NR4A1: variants seen among roughly 807,000 people sequenced by gnomAD.
NR4A1 encodes the protein nuclear receptor subfamily 4immunitygroup A member 1.
In NR4A1, 24 loss-of-function variants were observed where a neutral mutation model predicts 47.5. The observed-to-expected ratio is 0.50, with a 90% CI of 0.37 to 0.71. The LOEUF (loss-of-function observed/expected upper bound fraction) is 0.71. Among genes scored for constraint, NR4A1 ranks in the 30% least tolerant of loss-of-function variants. The pLI is 0.00. For missense variants in NR4A1, 669 were observed against 788.6 expected (o/e 0.85, Z 1.82); for synonymous variants, 353 against 345.7 (o/e 1.02, Z -0.24).
At chr12:52,033,766 G>C (rs1409511203) in intron 1 of NR4A1, among the ~76,000 whole-genome samples, 1 of 152,202 alleles carries the variant, frequency 6.6e-6, no homozygotes, top group Non-Finnish European at 1.5e-5. Flanking sequence ...CTTAAGCCTG[G>C]GGAGAGGTCG....
chr12:52,037,781 G>C (rs1013037191), intron 1 of NR4A1: 1 of 985,384 alleles, frequency 1.0e-6, no homozygotes, highest in Non-Finnish European at 1.2e-6. Flanking sequence ...GACCCAGCCG[G>C]GAGGGACCGA....
At chr12:52,044,281 G>T (rs938755405) in intron 2 of NR4A1, among the ~76,000 whole-genome samples, 67 of 152,356 alleles carry the variant, frequency 4.4e-4, no homozygotes, top group Non-Finnish European at 3.4e-4. Context: ...GGGCCCCTGA[G>T]CCCCCACTAG....
intron 1 of NR4A1, chr12:52,038,793 G>A (rs1344364944): frequency 1.3e-6 from 1 of 760,192 alleles, no homozygotes; most frequent in South Asian, 1.4e-5. Flanking sequence ...GTGTGAATGT[G>A]ACTGACGATT....
rs565902068 is a variant in NR4A1 at position 52,035,795 on chromosome 12, A to G, written c.-83-6015A>G. 3.9e-5 allele frequency among the ~76,000 whole-genome samples: 6 copies of G among 152,080 alleles called. No individual in the cohort carries two copies. The South Asian group carries it at 1.2e-3, about 32-fold the overall frequency. On this transcript the variant is annotated intron_variant, in intron 1 of 7. Transcript: ENST00000360284. Reference sequence around the variant, plus strand: ...GCCAAGAGTTTAGGATTTGTCCAGCAAAGGATTTCTGGGGGTGGGCAGTGG... The same window carrying G: ...GCCAAGAGTTTAGGATTTGTCCAGCGAAGGATTTCTGGGGGTGGGCAGTGG...
At position 52,052,311 on chromosome 12, in the gene NR4A1, G is replaced by A. The variant is rs1011208804; in HGVS notation, c.-3+743G>A. 7.3e-5 allele frequency among the ~76,000 whole-genome samples: 11 copies of A among 149,848 alleles called. No homozygotes were observed. The East Asian group carries it at 7.8e-4, about 11-fold the overall frequency. The stretch of plus-strand genomic sequence containing the variant: ...TGTGTGTGTGTGTGTGTGTGAGAGA[G>A]AGAGAGAGAGAGAGAGAAAGAGAGA... On this transcript the variant is annotated intron_variant, in intron 1 of 6. Coordinates refer to ENST00000394825, the MANE Select transcript of NR4A1 (RefSeq NM_173157.3).
chr12:52,029,215 A>G lies in NR4A1; in HGVS notation c.-84+6276A>G, dbSNP rs377417938. Among the ~76,000 whole-genome samples the G allele has an allele frequency of 1.6e-4, 24 of 152,198 alleles. No individual in the cohort carries two copies. In the East Asian group the frequency reaches 4.1e-3, roughly 26 times the overall value. ...GGACGCATACATGCACACACACTCC[A>G]CCTCTCTCCTTGGTGCTCAGATGTG... On this transcript the variant is annotated intron_variant, in intron 1 of 7. Transcript: ENST00000360284.
At chr12:52,043,538 TG>T in intron 2 of NR4A1, 2 of 419,994 alleles carry the variant, frequency 4.8e-6, no homozygotes, top group Non-Finnish European at 7.8e-6. Flanking sequence ...CTGCCAGGCC[TG>T]GGCACGGGCC....
At chr12:52,045,041 CCTT>C (rs746353689) in intron 2 of NR4A1, among the ~76,000 whole-genome samples, 44 of 152,342 alleles carry the variant, frequency 2.9e-4, no homozygotes, top group Non-Finnish European at 5.7e-4. Context: ...AGCCTGACCT[CCTT>C]AATTAACTAG....
Position 52,054,287 on chromosome 12 carries a change from T to G in NR4A1, c.-2-40T>G, listed in dbSNP as rs1939126102. On this transcript the variant is annotated intron_variant, in intron 1 of 6. Coordinates refer to ENST00000394825, the MANE Select transcript of NR4A1 (RefSeq NM_173157.3). ...AGACAAGGCTATAGGCTTGTCCCAC[T>G]GACTCTCCTTTCCCTCCCTGGGGTC... The G allele has an allele frequency of 2.0e-6, 3 of 1,536,940 alleles. No homozygotes were observed. In the African/African-American group the frequency reaches 4.1e-5, roughly 21 times the overall value.
chr12:52,056,315 C>T (rs1219255804), intron 3 of NR4A1, 156 bp downstream of exon 3: 5 of 1,359,260 alleles, frequency 3.7e-6, no homozygotes, highest in East Asian at 2.4e-5. Flanking sequence ...AGGCAGCCTA[C>T]ACCTGCCTGG....
chr12:52,030,530 G>C (rs1173414080), intron 1 of NR4A1, among the ~76,000 whole-genome samples: 4 of 152,218 alleles, frequency 2.6e-5, no homozygotes, highest in Admixed American at 2.6e-4. Flanking sequence ...TCAGGTTCAA[G>C]TGGTTCTCCT....
chr12:52,052,688 GA>G, intron 1 of NR4A1: 1 of 983,190 alleles, frequency 1.0e-6, no homozygotes, highest in Non-Finnish European at 1.2e-6. Context: ...CATGAAGGGG[GA>G]GGGACTGATG....
At chr12:52,052,268 CGTGTGTGTGTGTGT>C (rs60552358) in intron 1 of NR4A1, among the ~76,000 whole-genome samples, 3 of 129,920 alleles carry the variant, frequency 2.3e-5, no homozygotes, top group Non-Finnish European at 4.8e-5. Context: ...GCTTGGATCA[CGTGTGTGTGTGTGT>C]GTGTGTGTGT....
At chr12:52,048,455 G>A (rs1185934479), upstream of NR4A1, among the ~76,000 whole-genome samples, 5 of 152,014 alleles carry the variant, frequency 3.3e-5, no homozygotes, top group Non-Finnish European at 7.4e-5. Flanking sequence ...ATTAGCTGGC[G>A]TGGTGGCAGG....
At chr12:52,035,770 G>A (rs1938222370) in intron 1 of NR4A1, among the ~76,000 whole-genome samples, 1 of 152,132 alleles carries the variant, frequency 6.6e-6, no homozygotes, top group South Asian at 2.1e-4. Context: ...TCTGAGTTGC[G>A]CCAAGAGTTT....
chr12:52,034,894 T>C (rs752993054), intron 1 of NR4A1, among the ~76,000 whole-genome samples: 2 of 152,210 alleles, frequency 1.3e-5, no homozygotes, highest in Non-Finnish European at 2.9e-5. Flanking sequence ...TGCCATGATG[T>C]GCCAGACTCC....
chr12:52,024,398 GCTTAA>G (rs1309031167), intron 1 of NR4A1, among the ~76,000 whole-genome samples: 5 of 152,182 alleles, frequency 3.3e-5, no homozygotes, highest in East Asian at 1.9e-4. Context: ...CTCTCCAAGT[GCTTAA>G]CTTATGTTTT....
intron 2 of NR4A1, among the ~76,000 whole-genome samples, chr12:52,044,466 A>T (rs1592290538): frequency 6.6e-6 from 1 of 152,084 alleles, no homozygotes; most frequent in Non-Finnish European, 1.5e-5. Flanking sequence ...ACGCTCCGGG[A>T]CCTGGGCCAG....
At chr12:52,033,424 C>G (rs1938173077) in intron 1 of NR4A1, among the ~76,000 whole-genome samples, 1 of 152,240 alleles carries the variant, frequency 6.6e-6, no homozygotes, top group Non-Finnish European at 1.5e-5. Flanking sequence ...TTACCACGAG[C>G]ATGTTTGATT....
Sources: allele counts gnomAD v4.1 joint callset (sites outside exome capture counted in the v4.1 genomes callset), GRCh38; gene constraint gnomAD v4.1.1; transcripts MANE v1.5; gene names NCBI Gene and HGNC (gene_info 2026-07-23, HGNC 2026-07-21).